Variants in DNAH11 observed in about 807,000 individuals in gnomAD.
The protein encoded by DNAH11 is axonemal beta dynein heavy chain 11.
In DNAH11, 442 loss-of-function variants were observed where a neutral mutation model predicts 526.0. That is an observed-to-expected ratio of 0.84 (90% CI 0.78 to 0.91). DNAH11 has a LOEUF of 0.91. Among genes scored for constraint, DNAH11 ranks in the 40% least tolerant of loss-of-function variants. The probability of loss-of-function intolerance (pLI) is 0.00; values close to 1 mark genes in which losing one functional copy is unlikely to be tolerated. For synonymous variants in DNAH11, 2,461 were observed against 1,935.9 expected, an observed-to-expected ratio of 1.27 and a Z score of -7.12; for missense variants, 6,989 against 5,448.7, an observed-to-expected ratio of 1.28 and a Z score of -8.90.
intron 61 of DNAH11, among the ~76,000 whole-genome samples, chr7:21,790,844 G>C (rs1223935611): frequency 6.6e-6 from 1 of 152,248 alleles, no homozygotes; most frequent in Non-Finnish European, 1.5e-5. Context: ...GCAAAGGTGA[G>C]CATAGGCTTT....
At chr7:21,828,647 CT>C (rs1269026754) in intron 65 of DNAH11, among the ~76,000 whole-genome samples, 1 of 151,310 alleles carries the variant, frequency 6.6e-6, no homozygotes, top group Non-Finnish European at 1.5e-5. Flanking sequence ...ATGAAATTGT[CT>C]TTGTTTTTGA....
intron 8 of DNAH11, among the ~76,000 whole-genome samples, chr7:21,573,723 G>T (rs529782413): frequency 3.9e-5 from 6 of 152,138 alleles, no homozygotes; most frequent in African/African-American, 1.4e-4. Flanking sequence ...ATGAATACAT[G>T]CCCAACCTCT....
chr7:21,608,485 C>T (rs1254962079), intron 20 of DNAH11, among the ~76,000 whole-genome samples: 2 of 152,086 alleles, frequency 1.3e-5, no homozygotes, highest in Admixed American at 1.3e-4. Context: ...CTGACAGAGC[C>T]CTTACCTCTC....
chr7:21,852,442 C>T (rs1429248975), intron 66 of DNAH11, 25 bp from the exon 67 acceptor site: 3 of 1,585,876 alleles, frequency 1.9e-6, no homozygotes, highest in Non-Finnish European at 1.7e-6. Flanking sequence ...CCACCATTTC[C>T]CACACTTTTC....
chr7:21,850,575 A>T (rs1257431370), intron 66 of DNAH11, among the ~76,000 whole-genome samples: 2 of 135,236 alleles, frequency 1.5e-5, no homozygotes, highest in Admixed American at 7.5e-5. Context: ...GCCACATCTG[A>T]GTCTTGTCCT....
chr7:21,832,760 G>A (rs1781838348), intron 65 of DNAH11, among the ~76,000 whole-genome samples: 1 of 152,154 alleles, frequency 6.6e-6, no homozygotes, highest in African/African-American at 2.4e-5. Flanking sequence ...GCCTGTTTTG[G>A]TGCAGCCTGG....
rs979855343 is a variant in DNAH11 at position 21,785,627 on chromosome 7, T to G, written c.9598-997T>G. On this transcript the variant is annotated intron_variant, in intron 58 of 81. Transcript: ENST00000409508. ...TTTCTTTATTGTGTTTCTCTAAATT[T>G]GCAAATTTTTCTCTGAATAATTACT... is the stretch of plus-strand genomic sequence containing the variant. 2.0e-4 allele frequency among the ~76,000 whole-genome samples: 31 copies of G among 152,238 alleles called. 1 individual carries two copies.
intron 46 of DNAH11, among the ~76,000 whole-genome samples, chr7:21,736,416 T>G (rs1422430589): frequency 6.6e-6 from 1 of 152,124 alleles, no homozygotes; most frequent in Non-Finnish European, 1.5e-5. Context: ...AAAGAGCTGA[T>G]GTCGGAAGGC....
chr7:21,823,218 GCACTA>G (rs1562567125), intron 65 of DNAH11, among the ~76,000 whole-genome samples: 2 of 151,858 alleles, frequency 1.3e-5, no homozygotes, highest in East Asian at 3.9e-4. Context: ...AAATAAACAG[GCACTA>G]CTATCTTTTG....
intron 8 of DNAH11, among the ~76,000 whole-genome samples, chr7:21,574,793 C>T (rs774694201): frequency 3.9e-4 from 59 of 149,788 alleles, no homozygotes; most frequent in African/African-American, 4.7e-4. Flanking sequence ...CTCAAACTCC[C>T]GACCTCAGAT....
rs151332731 is a variant in DNAH11, at chr7:21,840,841, C to T, written c.10692-1703C>T. Among the ~76,000 whole-genome samples, 100 of 152,252 alleles carry T rather than the reference C, an allele frequency of 6.6e-4. 1 individual carries two copies. The highest frequency in any genetic ancestry group is 2.2e-3 in the Admixed American group (33 of 15,284). Reference sequence around the variant, plus strand: ...AGATGTTGAGGCAGACAAGGATTTGCAGTTACAGGAAGCCAATGCAGAAAG... The same window carrying T: ...AGATGTTGAGGCAGACAAGGATTTGTAGTTACAGGAAGCCAATGCAGAAAG... On this transcript the variant is annotated intron_variant, in intron 65 of 81. Coordinates refer to ENST00000409508, the MANE Select transcript of DNAH11 (RefSeq NM_001277115.2).
At chr7:21,712,229 G>C (rs142650095) in intron 42 of DNAH11, among the ~76,000 whole-genome samples, 19 of 152,232 alleles carry the variant, frequency 1.2e-4, no homozygotes, top group African/African-American at 4.3e-4. Context: ...TTTTAAGGCT[G>C]AATAATACTC....
Position 21,545,291 on chromosome 7 carries a change from AAAAAAGC to A in DNAH11, c.495+143_495+149del, listed in dbSNP as rs1782765925. 3 of 802,078 alleles carry A rather than the reference AAAAAAGC, an allele frequency of 3.7e-6. No homozygotes were observed. In the African/African-American group the frequency reaches 5.6e-5, roughly 15 times the overall value. 49.7% of individuals were successfully genotyped at this position (802,078 alleles called of 1,614,324 possible). A position where few individuals can be genotyped will look rare whatever the true frequency, so the allele number is the denominator to read the frequency against. ...GGGGTGGTTAAAAAAAAAAAAAAAA[AAAAAAGC>A]TTGTAGAAGCCAGGAGTCTCTAGCC... On this transcript the variant is annotated intron_variant, in intron 2 of 81. Transcript: ENST00000409508.
At position 21,873,254 on chromosome 7, in the gene DNAH11, T is replaced by C. The variant is rs1314926063; in HGVS notation, c.11968-20T>C. ...ATATGCCTCACCTTCACAGGAATTA[T>C]GCACCATGCTATCTTTCAGAATGTT... On this transcript the variant is annotated intron_variant, in intron 73 of 81. Coordinates refer to ENST00000409508, the MANE Select transcript of DNAH11 (RefSeq NM_001277115.2). 2.6e-6 allele frequency: 4 copies of C among 1,543,344 alleles called. No homozygotes were observed. The highest frequency in any genetic ancestry group is 1.2e-5 in the South Asian group (1 of 84,664).
intron 74 of DNAH11, 103 bp from the exon 75 acceptor site, chr7:21,880,599 T>G (rs1197303594): frequency 3.4e-6 from 4 of 1,192,916 alleles, no homozygotes; most frequent in Non-Finnish European, 4.8e-6. Context: ...GCCTCTGTAG[T>G]ATCTCACTCT....
In DNAH11 at chr7:21,601,017, T is replaced by A; in HGVS notation, c.3263T>A (p.Ile1088Asn). Residue 1088 changes from isoleucine (I) to asparagine (N), a missense_variant, in exon 17 of 82, where the codon ATT becomes AAT. Transcript: ENST00000409508. Reference sequence around the variant, plus strand: ...ATCTTTTTCTCACTACAGATTGACATTTATGAAGCTTTGTATGTTCAAATG... The same window carrying A: ...ATCTTTTTCTCACTACAGATTGACAATTATGAAGCTTTGTATGTTCAAATG... ...TLEQFKEQID[I>N]YEALYVQMSK... 16 of 1,610,848 alleles carry A rather than the reference T, an allele frequency of 9.9e-6. No individual in the cohort carries two copies. Among genetic ancestry groups the A allele is most frequent in the Non-Finnish European group, 1.4e-5 (16 of 1,179,296 alleles).
At position 21,801,216 on chromosome 7, in the gene DNAH11, T is replaced by A. The variant is rs773316123; in HGVS notation, c.10106T>A (p.Val3369Glu). ...GAGAAAGTCCGGTGTCAAGAAGAGG[T>A]GAACCAAACCAACAAAACCATCAAA... ...TAEKVRCQEEVNQTNKTIKLA... is the reference protein window; with the variant it reads ...TAEKVRCQEEENQTNKTIKLA... Residue 3369 changes from valine (V) to glutamate (E), a missense_variant, in exon 62 of 82, where the codon GTG becomes GAG. By Grantham distance (121) the Val-to-Glu change is moderately radical (BLOSUM62 -2). Coordinates refer to ENST00000409508, the MANE Select transcript of DNAH11 (RefSeq NM_001277115.2). 1 of 1,613,712 alleles carries A rather than the reference T, an allele frequency of 6.2e-7. No individual in the cohort carries two copies. The highest frequency in any genetic ancestry group is 1.7e-5 in the Admixed American group (1 of 59,968).
chr7:21,609,668 A>G (rs1785438409), intron 20 of DNAH11, among the ~76,000 whole-genome samples: 1 of 152,278 alleles, frequency 6.6e-6, no homozygotes, highest in Non-Finnish European at 1.5e-5. Context: ...CAGATGCTGA[A>G]TACATATTCA....
chr7:21,657,781 G>T (rs1285717137), intron 29 of DNAH11, among the ~76,000 whole-genome samples: 1 of 152,126 alleles, frequency 6.6e-6, no homozygotes, highest in Non-Finnish European at 1.5e-5. Context: ...CCAGAGGGAA[G>T]GCCCTTAAGA....
Sources: gnomAD v4.1 joint callset for allele counts (sites outside exome capture counted in the v4.1 genomes callset) on GRCh38, gnomAD v4.1.1 for gene constraint, MANE v1.5 for transcripts, NCBI Gene and HGNC (gene_info 2026-07-23, HGNC 2026-07-21) for gene names.